The following CREG2 variants were observed in gnomAD, a reference collection of about 807,000 sequenced individuals.
CREG2 encodes the protein protein CREG2.
Under a neutral mutation model 26.2 loss-of-function variants are expected in CREG2, and 24 were observed. The observed-to-expected ratio is 0.92, with a 90% confidence interval of 0.66 to 1.29. CREG2 has a LOEUF of 1.29. CREG2 is among the 50% of genes most tolerant of loss of function. The probability of loss-of-function intolerance (pLI) is 0.00; values close to 1 mark genes in which losing one functional copy is unlikely to be tolerated. For synonymous variants in CREG2, 174 were observed against 169.2 expected, an observed-to-expected ratio of 1.03 and a Z score of -0.22; for missense variants, 366 against 398.6, an observed-to-expected ratio of 0.92 and a Z score of 0.70.
At chr2:101,382,142 A>G (rs1263411560) in intron 2 of CREG2, 8 of 152,372 alleles carry the variant, frequency 5.3e-5, no homozygotes, top group African/African-American at 1.9e-4. Flanking sequence ...CTGAATGAGG[A>G]AAGCCTGGGA....
intron 2 of CREG2, among the ~76,000 whole-genome samples, chr2:101,358,103 C>T (rs1449923274): frequency 6.6e-6 from 1 of 152,126 alleles, no homozygotes; most frequent in East Asian, 1.9e-4. Context: ...AAGCGATTCT[C>T]CTGCCTGTTT....
In CREG2 at chr2:101,366,595, G is replaced by A. The variant is rs59481470; in HGVS notation, c.612-11229C>T. The stretch of plus-strand genomic sequence containing the variant: ...CCCAGCACTTTGGGGGGCTGAGGCA[G>A]ACGGATCACCTGAGGTCAGGAGTTC... On this transcript the variant is annotated intron_variant, in intron 2 of 3. Transcript: ENST00000324768. 3.8e-3 allele frequency among the ~76,000 whole-genome samples: 575 copies of A among 152,296 alleles called. 4 individuals are homozygous for A. The highest frequency in any genetic ancestry group is 0.012 in the African/African-American group (496 of 41,564).
rs998273794 is a variant in CREG2, at chr2:101,350,275, C to A, written c.*648G>T. The A allele has an allele frequency of 6.6e-6, 1 of 152,210 alleles. No homozygotes were observed. Among genetic ancestry groups the A allele is most frequent in the Non-Finnish European group, 1.5e-5 (1 of 68,064 alleles). The allele number at this position is 152,210 out of a possible 1,614,324, so 9.4% of individuals were successfully genotyped here. ...GCTACTCCTTTCTCTTTAATGACTG[C>A]CATGGCTGCTTACATAGAGAAGGGC... On this transcript the variant is annotated 3_prime_UTR_variant, in exon 4 of 4. Transcript: ENST00000324768.
chr2:101,383,677 C>T lies in CREG2; in HGVS notation c.467G>A (p.Cys156Tyr). Reference sequence around the variant, plus strand: ...GAAGGGGCCATCACTGACGGGCAGGCAGTTCCCAAATGGCAGTCCTTGGAT... The same window carrying T: ...GAAGGGGCCATCACTGACGGGCAGGTAGTTCCCAAATGGCAGTCCTTGGAT... ...KKIQGLPFGN[C>Y]LPVSDGPFNN... The change falls in exon 2 of 4, where the codon TGC becomes TAC. Residue 156 changes from cysteine (C) to tyrosine (Y), a missense_variant. Coordinates refer to ENST00000324768, the MANE Select transcript of CREG2 (RefSeq NM_153836.4). 6.2e-7 allele frequency: 1 copy of T among 1,609,938 alleles called. No individual in the cohort carries two copies. Among genetic ancestry groups the T allele is most frequent in the South Asian group, 1.1e-5 (1 of 90,716 alleles).
chr2:101,358,155 C>A (rs1334592205), intron 2 of CREG2, among the ~76,000 whole-genome samples: 2 of 152,060 alleles, frequency 1.3e-5, no homozygotes, highest in African/African-American at 4.8e-5. Flanking sequence ...CCATGCCTGG[C>A]TAAGTTTTGT....
At chr2:101,381,455 C>A (rs191256429) in intron 2 of CREG2, among the ~76,000 whole-genome samples, 2 of 152,362 alleles carry the variant, frequency 1.3e-5, no homozygotes, top group East Asian at 3.9e-4. Flanking sequence ...AGGTGAGTCA[C>A]ATCTGGGCTT....
rs1158078018 is a variant in CREG2 at position 101,347,835 on chromosome 2, T to C, written c.*3088A>G. On this transcript the variant is annotated 3_prime_UTR_variant, in exon 4 of 4. Transcript: ENST00000324768. Reference sequence around the variant, plus strand: ...TGTTTTAAATTCTGATGAAGTTTAATTTATCAAATTTTCTTTTATGAATTG... The same window carrying C: ...TGTTTTAAATTCTGATGAAGTTTAACTTATCAAATTTTCTTTTATGAATTG... 2.0e-5 allele frequency: 3 copies of C among 152,204 alleles called. No individual in the cohort carries two copies. Among genetic ancestry groups the C allele is most frequent in the African/African-American group, 7.2e-5 (3 of 41,448 alleles). 9.4% of individuals were successfully genotyped at this position (152,204 alleles called of 1,614,324 possible).
intron 2 of CREG2, among the ~76,000 whole-genome samples, chr2:101,378,551 T>C (rs1428173479): frequency 6.6e-6 from 1 of 152,212 alleles, no homozygotes; most frequent in African/African-American, 2.4e-5. Context: ...CAAATCTATA[T>C]CAGCCGTGAT....
chr2:101,370,868 T>C (rs1684692277), intron 2 of CREG2, among the ~76,000 whole-genome samples: 1 of 152,140 alleles, frequency 6.6e-6, no homozygotes, highest in Non-Finnish European at 1.5e-5. Flanking sequence ...AGGGCCCTCT[T>C]GGCTCATCTT....
Position 101,345,723 on chromosome 2 carries a change from A to G in CREG2, c.*5200T>C, listed in dbSNP as rs1172477905. On this transcript the variant is annotated 3_prime_UTR_variant, in exon 4 of 4. Coordinates refer to ENST00000324768, the MANE Select transcript of CREG2 (RefSeq NM_153836.4). ...ACAATAATTGACTTTCTGTTATAGCAATCAAATAAGCATCAATAAATTATC... is the reference window on the plus strand; with the variant it reads ...ACAATAATTGACTTTCTGTTATAGCGATCAAATAAGCATCAATAAATTATC... 1 of 152,236 alleles carries G rather than the reference A, an allele frequency of 6.6e-6. No homozygotes were observed. The highest frequency in any genetic ancestry group is 1.9e-4 in the East Asian group (1 of 5,204). 9.4% of individuals were successfully genotyped at this position (152,236 alleles called of 1,614,324 possible). A position where few individuals can be genotyped will look rare whatever the true frequency, so the allele number is the denominator to read the frequency against.
chr2:101,358,166 A>G (rs1274750569), intron 2 of CREG2, among the ~76,000 whole-genome samples: 2 of 151,902 alleles, frequency 1.3e-5, no homozygotes, highest in Non-Finnish European at 2.9e-5. Flanking sequence ...TAAGTTTTGT[A>G]TTTTTAATGG....
intron 1 of CREG2, among the ~76,000 whole-genome samples, chr2:101,386,710 C>T (rs554871048): frequency 1.3e-4 from 20 of 152,212 alleles, no homozygotes; most frequent in African/African-American, 4.8e-4. Context: ...GTCTAGGTCT[C>T]GGTCGGACGC....
chr2:101,364,164 A>T (rs1466276161), intron 2 of CREG2, among the ~76,000 whole-genome samples: 1 of 152,196 alleles, frequency 6.6e-6, no homozygotes, highest in African/African-American at 2.4e-5. Context: ...GAACCCATTG[A>T]GATATGTCAC....
chr2:101,375,311 C>G (rs781588818), intron 2 of CREG2, among the ~76,000 whole-genome samples: 5 of 152,152 alleles, frequency 3.3e-5, no homozygotes, highest in Non-Finnish European at 5.9e-5. Flanking sequence ...AAACTAGATT[C>G]CTTTGCAAAC....
intron 2 of CREG2, among the ~76,000 whole-genome samples, chr2:101,359,823 A>G (rs1010398130): frequency 2.0e-5 from 3 of 152,212 alleles, no homozygotes; most frequent in Non-Finnish European, 4.4e-5. Flanking sequence ...TTATGCATCA[A>G]CCAGACTCCC....
intron 2 of CREG2, among the ~76,000 whole-genome samples, chr2:101,355,873 C>T (rs1160462613): frequency 6.6e-6 from 1 of 152,076 alleles, no homozygotes; most frequent in Non-Finnish European, 1.5e-5. Flanking sequence ...ACAAACAATG[C>T]TCTTTTAGTG....
chr2:101,352,906 C>T (rs1026192245), intron 3 of CREG2, among the ~76,000 whole-genome samples: 15 of 152,078 alleles, frequency 9.9e-5, no homozygotes, highest in African/African-American at 1.7e-4. Context: ...AATATGATTA[C>T]GCCACTGCAC....
chr2:101,383,200 C>A, intron 2 of CREG2: 1 of 355,386 alleles, frequency 2.8e-6, no homozygotes, highest in Non-Finnish European at 4.9e-6. Context: ...CACCCTCGCC[C>A]TTTTCCATAA....
At chr2:101,363,075 C>T (rs992874710) in intron 2 of CREG2, among the ~76,000 whole-genome samples, 3 of 152,190 alleles carry the variant, frequency 2.0e-5, no homozygotes, top group Non-Finnish European at 2.9e-5. Context: ...CTTCTTTTAA[C>T]CTTTTTATTT....
Sources: allele counts gnomAD v4.1 joint callset (sites outside exome capture counted in the v4.1 genomes callset), GRCh38; gene constraint gnomAD v4.1.1; transcripts MANE v1.5; gene names NCBI Gene and HGNC (gene_info 2026-07-23, HGNC 2026-07-21).